ZNF782: variants seen among roughly 807,000 people sequenced by gnomAD.
ZNF782 encodes zinc finger protein 782.
In ZNF782, 12 loss-of-function variants were observed where a neutral mutation model predicts 13.0. The ratio of observed to expected loss-of-function variants is 0.92; its 90% confidence interval spans 0.59 to 1.50. The LOEUF is 1.50. ZNF782 is among the 40% of genes most tolerant of loss of function. The pLI is 0.00. For synonymous variants in ZNF782, 284 were observed against 283.0 expected (o/e 1.00, Z -0.04); for missense variants, 770 against 822.9 (o/e 0.94, Z 0.79).
Position 96,851,976 on chromosome 9 carries a change from G to C in ZNF782, c.-15C>G, listed in dbSNP as rs766698662. 1 of 1,613,756 alleles carries C rather than the reference G, an allele frequency of 6.2e-7. No homozygotes were observed. ...AATGTGTTCATTTTCTGTGGCTCTT[G>C]GGAGAGTATAGAGAACTGTAAAGCC... On this transcript the variant is annotated 5_prime_UTR_variant, in exon 3 of 6. Coordinates refer to ENST00000481138, the MANE Select transcript of ZNF782 (RefSeq NM_001001662.3).
chr9:96,912,354 G>A, the ZNF782 span, among the ~76,000 whole-genome samples: 2 of 147,218 alleles, frequency 1.4e-5, no homozygotes, highest in African/African-American at 2.5e-5. Context: ...GCGAAACCCC[G>A]TCTCTACTAA....
At chr9:96,916,405 A>G in the ZNF782 span, among the ~76,000 whole-genome samples, 43,956 of 151,140 alleles carry the variant, frequency 0.29, 9,579 homozygotes, top group African/African-American at 0.67. Context: ...CATAAGAATC[A>G]CTTGAACCTG....
At chr9:96,929,735 C>T in the ZNF782 span, among the ~76,000 whole-genome samples, 5,320 of 151,544 alleles carry the variant, frequency 0.035, 272 homozygotes, top group East Asian at 0.32. Context: ...GAATTGTTTG[C>T]CCTTTGGTGG....
chr9:96,930,741 G>C, the ZNF782 span, among the ~76,000 whole-genome samples: 1 of 150,080 alleles, frequency 6.7e-6, no homozygotes, highest in Non-Finnish European at 1.5e-5. Flanking sequence ...GGAATGGGTG[G>C]CCTGAATCTG....
At chr9:96,932,636 G>A in the ZNF782 span, among the ~76,000 whole-genome samples, 1 of 151,934 alleles carries the variant, frequency 6.6e-6, no homozygotes, top group Non-Finnish European at 1.5e-5. Flanking sequence ...TGTCCCGTGA[G>A]TCCAGCCAAT....
intron 5 of ZNF782, among the ~76,000 whole-genome samples, chr9:96,820,259 G>A (rs948874488): frequency 6.6e-6 from 1 of 152,136 alleles, no homozygotes; most frequent in Non-Finnish European, 1.5e-5. Flanking sequence ...AAATTACAAT[G>A]GTAGGATAAT....
intron 1 of ZNF782, among the ~76,000 whole-genome samples, chr9:96,867,031 G>C (rs1851763488): frequency 6.6e-6 from 1 of 152,206 alleles, no homozygotes; most frequent in African/African-American, 2.4e-5. Context: ...TGTCTCAGAT[G>C]AGACTTTGGA....
Position 96,818,985 on chromosome 9 carries a change from T to G in ZNF782, c.1038A>C (p.Thr346=), listed in dbSNP as rs1850299138. ...CACTGAAAGTTGACTGGTAGCTGAA[T>G]GTCTCTGTACATGGGTGATAATCAG... is the stretch of plus-strand genomic sequence containing the variant. ...KYSDYHPCTE[T]FSYQSTFSVH... The change falls in exon 6 of 6, where the codon ACA becomes ACC. Residue 346 remains threonine, a synonymous_variant. Transcript: ENST00000481138. The G allele has an allele frequency of 1.2e-6, 2 of 1,614,216 alleles. No individual in the cohort carries two copies. The highest frequency in any genetic ancestry group is 1.7e-6 in the Non-Finnish European group (2 of 1,180,016).
At chr9:96,913,330 T>TA in the ZNF782 span, among the ~76,000 whole-genome samples, 4 of 151,788 alleles carry the variant, frequency 2.6e-5, no homozygotes, top group Non-Finnish European at 5.9e-5. Flanking sequence ...ATTTTAAAAA[T>TA]AAAATCAAAC....
the ZNF782 span, among the ~76,000 whole-genome samples, chr9:96,915,017 G>A: frequency 6.6e-6 from 1 of 150,994 alleles, no homozygotes; most frequent in South Asian, 2.1e-4. Context: ...ATGTGTCGGG[G>A]TGCCAGGGTT....
At chr9:96,855,239 T>G (rs1370206008), upstream of ZNF782, among the ~76,000 whole-genome samples, 2 of 152,260 alleles carry the variant, frequency 1.3e-5, no homozygotes, top group Non-Finnish European at 2.9e-5. Context: ...TAACGAATTT[T>G]CTTGCTTTTT....
intron 3 of ZNF782, among the ~76,000 whole-genome samples, 191 bp from the exon 4 acceptor site, chr9:96,845,207 A>AT (rs1345284300): frequency 6.6e-6 from 1 of 152,176 alleles, no homozygotes; most frequent in Non-Finnish European, 1.5e-5. Flanking sequence ...TCATGCTCTT[A>AT]TTTGTATTTA....
At chr9:96,929,864 C>A in the ZNF782 span, among the ~76,000 whole-genome samples, 359 of 149,726 alleles carry the variant, frequency 2.4e-3, no homozygotes, top group African/African-American at 8.7e-3. Context: ...ACCTCATGAA[C>A]GGGCGACAGG....
At chr9:96,925,564 G>A in the ZNF782 span, among the ~76,000 whole-genome samples, 1 of 150,740 alleles carries the variant, frequency 6.6e-6, no homozygotes, top group East Asian at 2.0e-4. Context: ...GAACCCAGGA[G>A]GCGGAGGCTG....
chr9:96,845,432 G>A (rs1006785986), intron 3 of ZNF782, among the ~76,000 whole-genome samples: 7 of 152,088 alleles, frequency 4.6e-5, no homozygotes, highest in Non-Finnish European at 1.0e-4. Context: ...CTAGTTTTTT[G>A]TATTTTAGTA....
At chr9:96,857,003 G>C (rs1216094119), upstream of ZNF782, among the ~76,000 whole-genome samples, 1 of 152,172 alleles carries the variant, frequency 6.6e-6, no homozygotes, top group Non-Finnish European at 1.5e-5. Context: ...GCCACTGGGG[G>C]GCTCTCTTGA....
intron 5 of ZNF782, among the ~76,000 whole-genome samples, chr9:96,826,402 G>T (rs7847016): frequency 0.025 from 3,859 of 152,100 alleles, 171 homozygotes; most frequent in African/African-American, 0.088. Context: ...ACTGTTGTGG[G>T]GTTGGGGGAG....
At chr9:96,851,752 G>A (rs1851493263) in intron 3 of ZNF782, among the ~76,000 whole-genome samples, 195 bp downstream of exon 3, 2 of 152,160 alleles carry the variant, frequency 1.3e-5, no homozygotes, top group African/African-American at 4.8e-5. Flanking sequence ...TGACTAACAT[G>A]ACATCTTGGC....
chr9:96,841,714 A>T (rs10117162), intron 4 of ZNF782, among the ~76,000 whole-genome samples: 21,518 of 151,830 alleles, frequency 0.14, 3,460 homozygotes, highest in African/African-American at 0.38. Flanking sequence ...AGGAATACAG[A>T]AGAAGTTCCA....
Sources: allele counts gnomAD v4.1 joint callset (sites outside exome capture counted in the v4.1 genomes callset), GRCh38; gene constraint gnomAD v4.1.1; transcripts MANE v1.5; gene names NCBI Gene and HGNC (gene_info 2026-07-23, HGNC 2026-07-21).